Variants in NRXN1 observed in about 807,000 individuals in gnomAD.
The protein encoded by NRXN1 is neurexin-1.
A neutral mutation model predicts 150.9 loss-of-function variants in NRXN1; 39 were observed. The ratio of observed to expected loss-of-function variants is 0.26; its 90% CI spans 0.20 to 0.34. The LOEUF (loss-of-function observed/expected upper bound fraction) is 0.34, where lower values mean the gene tolerates loss of function less well. NRXN1 is among the 10% of genes least tolerant of loss of function. The pLI, the probability that NRXN1 is intolerant of heterozygous loss-of-function variation, is 1.00. For synonymous variants in NRXN1, 924 were observed against 757.0 expected (o/e 1.22, Z -3.62); for missense variants, 1,815 against 1,949.9 (o/e 0.93, Z 1.30).
At chr2:50,806,105 T>C (rs111540859) in intron 5 of NRXN1, among the ~76,000 whole-genome samples, 2 of 152,356 alleles carry the variant, frequency 1.3e-5, no homozygotes, top group African/African-American at 4.8e-5. Context: ...CATTCCTTGC[T>C]ATACATAATC....
chr2:49,957,906 C>A (rs1187367356), intron 21 of NRXN1, among the ~76,000 whole-genome samples: 1 of 152,066 alleles, frequency 6.6e-6, no homozygotes, highest in Admixed American at 6.6e-5. Context: ...GGGTATGGGG[C>A]AGATAAAAAT....
chr2:50,164,658 T>C (rs1291056066), intron 18 of NRXN1, among the ~76,000 whole-genome samples: 2 of 152,146 alleles, frequency 1.3e-5, no homozygotes, highest in Non-Finnish European at 2.9e-5. Flanking sequence ...TGGGGCCAGA[T>C]CCTCTTTCCA....
At chr2:50,379,741 C>G (rs1187076768) in intron 17 of NRXN1, among the ~76,000 whole-genome samples, 2 of 152,106 alleles carry the variant, frequency 1.3e-5, no homozygotes. Flanking sequence ...GAAATCTCCA[C>G]AAACAGTGTA....
intron 1 of NRXN1, among the ~76,000 whole-genome samples, chr2:51,031,264 G>A (rs570817299): frequency 1.2e-4 from 18 of 151,950 alleles, no homozygotes; most frequent in Non-Finnish European, 2.2e-4. Flanking sequence ...AAGAAGAAGC[G>A]CTCTAATTCA....
chr2:50,421,559 T>C (rs2084001692), intron 17 of NRXN1, among the ~76,000 whole-genome samples: 1 of 152,170 alleles, frequency 6.6e-6, no homozygotes, highest in African/African-American at 2.4e-5. Context: ...TGTATCTGAT[T>C]TGCATATGGC....
chr2:50,729,142 T>C (rs1174884149), intron 5 of NRXN1, among the ~76,000 whole-genome samples: 1 of 152,236 alleles, frequency 6.6e-6, no homozygotes, highest in African/African-American at 2.4e-5. Flanking sequence ...GTTGCATTCT[T>C]ATATTCTATT....
At chr2:50,534,809 T>A (rs1387655208) in intron 10 of NRXN1, among the ~76,000 whole-genome samples, 1 of 152,184 alleles carries the variant, frequency 6.6e-6, no homozygotes, top group Non-Finnish European at 1.5e-5. Flanking sequence ...CATATTCTTC[T>A]GGGAAAAGTA....
At chr2:50,396,765 T>C (rs951140736) in intron 17 of NRXN1, among the ~76,000 whole-genome samples, 1 of 152,050 alleles carries the variant, frequency 6.6e-6, no homozygotes, top group African/African-American at 2.4e-5. Flanking sequence ...GGAGTAAGCA[T>C]TCAAATTCAG....
intron 5 of NRXN1, among the ~76,000 whole-genome samples, chr2:50,772,331 G>A (rs1423988621): frequency 6.6e-6 from 1 of 151,320 alleles, no homozygotes; most frequent in Non-Finnish European, 1.5e-5. Flanking sequence ...TAAACAAAAA[G>A]TTTTCATTAA....
At chr2:50,662,941 A>T (rs1020563249) in intron 5 of NRXN1, among the ~76,000 whole-genome samples, 7 of 152,030 alleles carry the variant, frequency 4.6e-5, no homozygotes, top group Non-Finnish European at 8.8e-5. Flanking sequence ...AGTGATTCTC[A>T]TTTATTTGAC....
chr2:50,014,434 G>A (rs192819512), intron 21 of NRXN1, among the ~76,000 whole-genome samples: 1 of 152,086 alleles, frequency 6.6e-6, no homozygotes, highest in East Asian at 1.9e-4. Flanking sequence ...TTACTTGTGG[G>A]GGACTGACCT....
chr2:50,031,715 C>T (rs1689205093), intron 21 of NRXN1, among the ~76,000 whole-genome samples: 1 of 152,022 alleles, frequency 6.6e-6, no homozygotes, highest in Admixed American at 6.6e-5. Flanking sequence ...ATAAAATGAC[C>T]AAGTGCTGTT....
chr2:50,442,108 C>T (rs544158830), intron 17 of NRXN1, among the ~76,000 whole-genome samples: 1 of 152,216 alleles, frequency 6.6e-6, no homozygotes, highest in East Asian at 1.9e-4. Flanking sequence ...TGAACAAGTA[C>T]CCAAGAATGA....
chr2:49,956,011 G>A (rs1674872537), intron 21 of NRXN1, among the ~76,000 whole-genome samples: 1 of 151,996 alleles, frequency 6.6e-6, no homozygotes, highest in South Asian at 2.1e-4. Flanking sequence ...AGTTTCTTTT[G>A]GGTTTGGAGA....
intron 11 of NRXN1, among the ~76,000 whole-genome samples, chr2:50,529,846 C>A (rs1414314446): frequency 1.3e-5 from 2 of 152,100 alleles, no homozygotes; most frequent in Non-Finnish European, 2.9e-5. Context: ...GGAGAGTGCT[C>A]TGTGTTCTTA....
rs1024428562 is a variant in NRXN1, at chr2:50,840,154, T to C, written c.832+81715A>G. On this transcript the variant is annotated intron_variant, in intron 5 of 22. Coordinates refer to ENST00000401669, the MANE Select transcript of NRXN1 (RefSeq NM_001330078.2). ...ATATATAGTCTCATTATTTAGATCA[T>C]TATCTCTACATAATAGTTACAAATG... Among the ~76,000 whole-genome samples the C allele has an allele frequency of 1.1e-4, 17 of 152,272 alleles. No individual in the cohort carries two copies. The East Asian group carries it at 2.5e-3, about 23-fold the overall frequency.
At chr2:50,146,557 C>T (rs1272523957) in intron 18 of NRXN1, among the ~76,000 whole-genome samples, 1 of 151,478 alleles carries the variant, frequency 6.6e-6, no homozygotes, top group Non-Finnish European at 1.5e-5. Flanking sequence ...GATTATTTTG[C>T]CACTACCCAA....
At chr2:50,733,655 TG>T (rs1332460086) in intron 5 of NRXN1, among the ~76,000 whole-genome samples, 5 of 152,172 alleles carry the variant, frequency 3.3e-5, no homozygotes, top group Non-Finnish European at 5.9e-5. Flanking sequence ...GACACCAATG[TG>T]GGTGGATAAT....
intron 5 of NRXN1, among the ~76,000 whole-genome samples, chr2:50,656,019 C>A (rs977947694): frequency 6.6e-6 from 1 of 151,926 alleles, no homozygotes; most frequent in Non-Finnish European, 1.5e-5. Flanking sequence ...TAGGTAAAAT[C>A]ATTACAAATC....
Sources: gnomAD v4.1 joint callset for allele counts (sites outside exome capture counted in the v4.1 genomes callset) on GRCh38, gnomAD v4.1.1 for gene constraint, MANE v1.5 for transcripts, NCBI Gene and HGNC (gene_info 2026-07-23, HGNC 2026-07-21) for gene names.